Variants in CPT1A observed in about 807,000 individuals in gnomAD.
CPT1A encodes the protein carnitine O-palmitoyltransferase 1, liver isoform.
A neutral mutation model predicts 100.8 loss-of-function variants in CPT1A; 64 were observed. The ratio of observed to expected loss-of-function variants is 0.63; its 90% CI spans 0.52 to 0.78. The LOEUF is 0.78. Ranked by LOEUF, CPT1A falls within the 30% of genes least tolerant of loss-of-function variation. The pLI, the probability that CPT1A is intolerant of heterozygous loss-of-function variation, is 0.00. For missense variants in CPT1A, 802 were observed against 1,034.1 expected (o/e 0.78, Z 3.08); for synonymous variants, 363 against 396.0 (o/e 0.92, Z 0.99).
intron 6 of CPT1A, among the ~76,000 whole-genome samples, chr11:68,797,732 C>G (rs528790762): frequency 6.6e-6 from 1 of 152,196 alleles, no homozygotes; most frequent in Non-Finnish European, 1.5e-5. Context: ...CATCCCAGCA[C>G]TTTGGGAGAC....
At chr11:68,814,853 A>C (rs1296389749) in intron 2 of CPT1A, among the ~76,000 whole-genome samples, 1 of 151,140 alleles carries the variant, frequency 6.6e-6, no homozygotes, top group Non-Finnish European at 1.5e-5. Flanking sequence ...TACCTGCCTA[A>C]TTTTTCTATT....
rs750752591 is a variant in CPT1A at position 68,757,677 on chromosome 11, A to C, written c.2289T>G (p.Thr763=). The C allele has an allele frequency of 1.2e-6, 2 of 1,614,174 alleles. No individual in the cohort carries two copies. The highest frequency in any genetic ancestry group is 2.2e-5 in the South Asian group (2 of 91,082). ...TGGAATTAGAACTGAGACCAAACAA[A>C]GTGATGATGTCAGTCATTGCTTCTT... ...HLKEAMTDII[T]LFGLSSNSKK Residue 763 remains threonine, a synonymous_variant, in exon 19 of 19, where the codon ACT becomes ACG. Coordinates refer to ENST00000265641, the MANE Select transcript of CPT1A (RefSeq NM_001876.4).
chr11:68,760,147 G>A lies in CPT1A; in HGVS notation c.2142+78C>T, dbSNP rs78012033. ...GCAAGGTAACGGGGGCACCCAGCAC[G>A]GAGATGGGCCCATCACACCCCATTA... On this transcript the variant is annotated intron_variant, in intron 17 of 18. Coordinates refer to ENST00000265641, the MANE Select transcript of CPT1A (RefSeq NM_001876.4). The A allele has an allele frequency of 1.6e-4, 165 of 1,001,864 alleles. 1 individual carries two copies. The highest frequency in any genetic ancestry group is 1.1e-3 in the East Asian group (43 of 38,708). 62.1% of individuals were successfully genotyped at this position (1,001,864 alleles called of 1,614,324 possible). A position where few individuals can be genotyped will look rare whatever the true frequency, so the allele number is the denominator to read the frequency against.
chr11:68,761,803 G>A (rs986593414), intron 15 of CPT1A, 116 bp from the exon 16 acceptor site: 1 of 1,214,384 alleles, frequency 8.2e-7, no homozygotes, highest in African/African-American at 1.5e-5. Context: ...TAGAGACGGG[G>A]TTTCAACATG....
rs1555235318 is a variant in CPT1A at position 68,838,578 on chromosome 11, A to AAAAAAAAAAAAAAAC, written c.-14+3196_-14+3197insGTTTTTTTTTTTTTT. On this transcript the variant is annotated intron_variant, in intron 1 of 18. Coordinates refer to ENST00000265641, the MANE Select transcript of CPT1A (RefSeq NM_001876.4). ...CTCTGTATCTGCACCTTTTTAAAAA[A>AAAAAAAAAAAAAAAC]AAAAAAAAAAAAACAGAGACAGGGT... Among the ~76,000 whole-genome samples the AAAAAAAAAAAAAAAC allele has an allele frequency of 1.7e-3, 248 of 144,338 alleles. 7 individuals carry two copies. Among genetic ancestry groups the AAAAAAAAAAAAAAAC allele is most frequent in the Non-Finnish European group, 3.4e-3 (221 of 65,902 alleles). 94.7% of individuals were successfully genotyped at this position (144,338 alleles called of 152,430 possible). A position where few individuals can be genotyped will look rare whatever the true frequency, so the allele number is the denominator to read the frequency against.
chr11:68,828,175 T>C (rs1228042711), intron 1 of CPT1A, among the ~76,000 whole-genome samples: 1 of 152,160 alleles, frequency 6.6e-6, no homozygotes, highest in Non-Finnish European at 1.5e-5. Flanking sequence ...CTCTTTGCCC[T>C]TGCTGAAGTC....
chr11:68,770,801 A>T (rs1041084838), intron 14 of CPT1A, among the ~76,000 whole-genome samples: 1 of 152,160 alleles, frequency 6.6e-6, no homozygotes, highest in Non-Finnish European at 1.5e-5. Flanking sequence ...CTGCACTTCC[A>T]TTCATGCGGG....
chr11:68,770,991 G>A (rs944897023), intron 14 of CPT1A, among the ~76,000 whole-genome samples: 7 of 152,202 alleles, frequency 4.6e-5, no homozygotes, highest in African/African-American at 1.7e-4. Context: ...CTTCCTCGGG[G>A]CCGTCCTGAA....
chr11:68,775,369 T>A lies in CPT1A; in HGVS notation c.1522A>T (p.Ile508Phe), dbSNP rs1402602378. 1 of 1,614,276 alleles carries A rather than the reference T, an allele frequency of 6.2e-7. No individual in the cohort carries two copies. Among genetic ancestry groups the A allele is most frequent in the Non-Finnish European group, 8.5e-7 (1 of 1,180,050 alleles). Residue 508 changes from isoleucine (I) to phenylalanine (F), a missense_variant, in exon 13 of 19, where the codon ATC (isoleucine) becomes TTC (phenylalanine). Transcript: ENST00000265641. ...GTGGGGTACGGAATGTTCGGATTGATGTCGCCTTTGCAGTGCCCATCCTCC... is the reference window on the plus strand; with the variant it reads ...GTGGGGTACGGAATGTTCGGATTGAAGTCGCCTTTGCAGTGCCCATCCTCC... The part of the protein sequence containing the change: ...YAEDGHCKGD[I>F]NPNIPYPTRL...
upstream of CPT1A, among the ~76,000 whole-genome samples, chr11:68,843,253 G>C (rs1857194300): frequency 6.6e-6 from 1 of 152,022 alleles, no homozygotes; most frequent in South Asian, 2.1e-4. The surrounding 1 kb of genome is among the most constrained non-coding windows in gnomAD (Gnocchi z 4.0). Flanking sequence ...ACAGGTCTCT[G>C]CTGGGGGACG....
At chr11:68,805,910 C>T (rs1856030868) in intron 4 of CPT1A, among the ~76,000 whole-genome samples, 1 of 152,218 alleles carries the variant, frequency 6.6e-6, no homozygotes, top group Non-Finnish European at 1.5e-5. Flanking sequence ...GGGCACACAC[C>T]CGCCTGCAGG....
intron 1 of CPT1A, among the ~76,000 whole-genome samples, chr11:68,837,409 G>T (rs953374969): frequency 6.6e-6 from 1 of 152,194 alleles, no homozygotes; most frequent in Admixed American, 6.6e-5. Flanking sequence ...GACTCAATGT[G>T]ACCTGATGAC....
intron 1 of CPT1A, among the ~76,000 whole-genome samples, chr11:68,839,852 C>T (rs760719991): frequency 2.7e-4 from 41 of 152,238 alleles, no homozygotes; most frequent in Non-Finnish European, 5.1e-4. Flanking sequence ...GCAGCAGCCG[C>T]AGCAGTATCG....
At chr11:68,802,896 CAAAAAAAAAAAAAAAAAAAAA>C (rs901808584) in intron 5 of CPT1A, among the ~76,000 whole-genome samples, 3 of 44,974 alleles carry the variant, frequency 6.7e-5, no homozygotes, top group Admixed American at 2.6e-4. Flanking sequence ...GACCCTGTCT[CAAAAAAAAAAAAAAAAAAAAA>C]AAAGAAAATG....
chr11:68,768,392 A>T (rs1176104193), intron 14 of CPT1A, among the ~76,000 whole-genome samples: 1 of 148,110 alleles, frequency 6.8e-6, no homozygotes, highest in Non-Finnish European at 1.5e-5. Context: ...ATTAACTTTT[A>T]AGATTTCTTC....
rs1566355474 is a variant in CPT1A, at chr11:68,781,915, T to A, written c.1208A>T (p.Lys403Ile). The change falls in exon 11 of 19, where the codon AAA (lysine) becomes ATA (isoleucine). Residue 403 changes from lysine to isoleucine, a missense_variant. Lys to Ile is a moderately radical substitution (Grantham distance 102, BLOSUM62 -3). This residue lies in a region of CPT1A where 627 missense variants were observed against 799.3 expected (regional missense o/e 0.78). Transcript: ENST00000265641. ...CACAGCATCAAGAGACTGCTTATTT[T>A]TCCCACGTCCAAAATAGGCCTGACG... The part of the protein sequence containing the change: ...RCRQAYFGRG[K>I]NKQSLDAVEK... 1 of 1,614,196 alleles carries A rather than the reference T, an allele frequency of 6.2e-7. No individual in the cohort carries two copies. The highest frequency in any genetic ancestry group is 1.1e-5 in the South Asian group (1 of 91,080).
chr11:68,812,520 C>T lies in CPT1A; in HGVS notation c.198G>A (p.Val66=). 3.1e-6 allele frequency: 5 copies of T among 1,614,170 alleles called. No homozygotes were observed. Among genetic ancestry groups the T allele is most frequent in the Non-Finnish European group, 3.4e-6 (4 of 1,180,034 alleles). The change falls in exon 3 of 19, where the codon GTG becomes GTA. Residue 66 remains valine, a synonymous_variant. Transcript: ENST00000265641. ...CGTACATCGTTGTCATCACGCCCACCACCACGATAAGCCAACTGGAGGGGC... is the reference window on the plus strand; with the variant it reads ...CGTACATCGTTGTCATCACGCCCACTACCACGATAAGCCAACTGGAGGGGC... ...PASPSSWLIV[V]VGVMTTMYAK...
intron 6 of CPT1A, among the ~76,000 whole-genome samples, chr11:68,798,491 C>T (rs1232760843): frequency 1.3e-5 from 2 of 152,162 alleles, no homozygotes; most frequent in Admixed American, 6.5e-5. Context: ...GACTCCCTCC[C>T]TTGCTTTGTC....
At chr11:68,830,235 G>A (rs965345879) in intron 1 of CPT1A, among the ~76,000 whole-genome samples, 24 of 152,138 alleles carry the variant, frequency 1.6e-4, no homozygotes, top group Non-Finnish European at 2.8e-4. Context: ...CCCGGACTGT[G>A]CCACTGCACT....
Sources: gnomAD v4.1 joint callset for allele counts (sites outside exome capture counted in the v4.1 genomes callset) on GRCh38, gnomAD v4.1.1 for gene constraint, gnomAD v4.1.1 regional missense constraint, Gnocchi (gnomAD v3.1) non-coding constraint, MANE v1.5 for transcripts, NCBI Gene and HGNC (gene_info 2026-07-23, HGNC 2026-07-21) for gene names.